Variants in DCT observed in about 807,000 individuals in gnomAD.
DCT encodes L-dopachrome tautomerase.
A neutral mutation model predicts 53.0 loss-of-function variants in DCT; 47 were observed. The observed-to-expected ratio is 0.89, with a 90% CI of 0.70 to 1.13. The LOEUF is 1.13. DCT is among the 50% of genes most tolerant of loss of function. The pLI is 0.00. For missense variants in DCT, 669 were observed against 637.4 expected (o/e 1.05, Z -0.53); for synonymous variants, 244 against 237.0 (o/e 1.03, Z -0.27).
chr13:94,548,365 T>G, the DCT span, among the ~76,000 whole-genome samples: 2 of 152,012 alleles, frequency 1.3e-5, no homozygotes, highest in Non-Finnish European at 2.9e-5. Flanking sequence ...TTCATAAATA[T>G]GAGTTTCCCT....
upstream of DCT, among the ~76,000 whole-genome samples, chr13:94,480,011 C>T (rs1885370972): frequency 6.6e-6 from 1 of 152,198 alleles, no homozygotes; most frequent in African/African-American, 2.4e-5. Flanking sequence ...GCACTCATGG[C>T]TGCTTTCTGA....
the DCT span, among the ~76,000 whole-genome samples, chr13:94,513,987 C>CAAAAAAA: frequency 1.2e-3 from 62 of 53,154 alleles, 2 homozygotes; most frequent in African/African-American, 3.9e-3. Flanking sequence ...AACTCTGTCT[C>CAAAAAAA]AAAAAAAAAA....
intron 7 of DCT, among the ~76,000 whole-genome samples, chr13:94,440,676 G>GTTTTTTTTTTTTTTTTTTTT (rs761688508): frequency 4.1e-5 from 4 of 98,038 alleles, no homozygotes; most frequent in Admixed American, 1.4e-4. Flanking sequence ...TCATTTTTTG[G>GTTTTTTTTTTTTTTTTTTTT]TTTTTTTTTT....
At chr13:94,476,780 T>C (rs760704989) in intron 1 of DCT, among the ~76,000 whole-genome samples, 10 of 152,088 alleles carry the variant, frequency 6.6e-5, no homozygotes, top group Non-Finnish European at 1.2e-4. Context: ...TTTTCATTGA[T>C]TGACATAGAA....
chr13:94,444,391 A>G (rs751612189), intron 6 of DCT: 1 of 517,880 alleles, frequency 1.9e-6, no homozygotes, highest in Non-Finnish European at 3.9e-6. Flanking sequence ...TACTCATTTC[A>G]TAAACTCTCA....
At chr13:94,458,090 C>T (rs1883528756) in intron 6 of DCT, among the ~76,000 whole-genome samples, 2 of 152,262 alleles carry the variant, frequency 1.3e-5, no homozygotes, top group Non-Finnish European at 2.9e-5. Context: ...GCGTGACACC[C>T]CCTTTCCCGG....
chr13:94,511,825 A>AGT, the DCT span, among the ~76,000 whole-genome samples: 11,163 of 143,550 alleles, frequency 0.078, 454 homozygotes, highest in Non-Finnish European at 0.11. Context: ...CAGCATTGTC[A>AGT]GTGTGTGTGT....
At chr13:94,472,543 TATATATATATATA>T (rs1884753172) in intron 1 of DCT, among the ~76,000 whole-genome samples, 2 of 34,694 alleles carry the variant, frequency 5.8e-5, no homozygotes, top group Non-Finnish European at 5.0e-5. Flanking sequence ...TATATATATA[TATATATATATATA>T]TATATATATA....
intron 6 of DCT, among the ~76,000 whole-genome samples, chr13:94,448,722 G>C (rs1882888146): frequency 6.6e-6 from 1 of 152,022 alleles, no homozygotes; most frequent in East Asian, 1.9e-4. Flanking sequence ...AGCCAATATG[G>C]TGAAACCCCA....
upstream of DCT, among the ~76,000 whole-genome samples, chr13:94,481,260 C>T (rs1048832212): frequency 6.6e-6 from 1 of 152,168 alleles, no homozygotes; most frequent in African/African-American, 2.4e-5. Context: ...ACTCTTTTTT[C>T]CAGACAAAGT....
chr13:94,501,052 G>A, the DCT span, among the ~76,000 whole-genome samples: 2 of 151,948 alleles, frequency 1.3e-5, no homozygotes, highest in African/African-American at 4.8e-5. Flanking sequence ...AGATCACGAG[G>A]TCAGCAGATA....
rs116295818 is a variant in DCT at position 94,458,001 on chromosome 13, G to A, written c.1179+2090C>T. On this transcript the variant is annotated intron_variant, in intron 6 of 7. Transcript: ENST00000377028. Reference sequence around the variant, plus strand: ...GACAAGGCCACTCTGTGACCATGACGGATCAGGACAAAAACAAGAAAACCC... The same window carrying A: ...GACAAGGCCACTCTGTGACCATGACAGATCAGGACAAAAACAAGAAAACCC... Among the ~76,000 whole-genome samples, 693 of 152,240 alleles carry A rather than the reference G, an allele frequency of 4.6e-3. 4 individuals carry two copies. The highest frequency in any genetic ancestry group is 0.016 in the African/African-American group (668 of 41,540).
chr13:94,512,082 G>A, the DCT span, among the ~76,000 whole-genome samples: 1 of 152,094 alleles, frequency 6.6e-6, no homozygotes, highest in East Asian at 1.9e-4. Context: ...GCTTTTAAAG[G>A]AAGTAGCCAT....
At chr13:94,547,984 A>AATATATATATAT in the DCT span, among the ~76,000 whole-genome samples, 46 of 65,816 alleles carry the variant, frequency 7.0e-4, 2 homozygotes, top group African/African-American at 5.2e-3. Flanking sequence ...AAAAAAAAAA[A>AATATATATATAT]ATATATATAT....
At chr13:94,538,240 C>G in the DCT span, among the ~76,000 whole-genome samples, 1 of 152,168 alleles carries the variant, frequency 6.6e-6, no homozygotes, top group Non-Finnish European at 1.5e-5. Context: ...TGACTACATG[C>G]CAAGCACTCT....
chr13:94,464,115 A>C (rs1883999607), intron 4 of DCT, among the ~76,000 whole-genome samples: 1 of 152,244 alleles, frequency 6.6e-6, no homozygotes, highest in South Asian at 2.1e-4. Context: ...CAGTCACAGA[A>C]AAAGCACTGA....
intron 1 of DCT, among the ~76,000 whole-genome samples, chr13:94,474,352 C>A (rs1026296711): frequency 6.6e-6 from 1 of 152,186 alleles, no homozygotes; most frequent in East Asian, 1.9e-4. Context: ...AGCTTAAAGA[C>A]CACCGATTAG....
At chr13:94,458,266 C>G (rs1315570877) in intron 6 of DCT, among the ~76,000 whole-genome samples, 1 of 152,080 alleles carries the variant, frequency 6.6e-6, no homozygotes, top group Non-Finnish European at 1.5e-5. Context: ...TCCAAAAGTC[C>G]TCCCCAAATC....
Position 94,475,251 on chromosome 13 carries a change from A to C in DCT, c.295+3710T>G, listed in dbSNP as rs188600778. ...TTCCCAGCTCAGTCACTAAGGACTTAGTCTCGTGCCCTGAGATTCAAAGAA... is the reference window on the plus strand; with the variant it reads ...TTCCCAGCTCAGTCACTAAGGACTTCGTCTCGTGCCCTGAGATTCAAAGAA... On this transcript the variant is annotated intron_variant, in intron 1 of 7. Coordinates refer to ENST00000377028, the MANE Select transcript of DCT (RefSeq NM_001922.5). 1.4e-4 allele frequency among the ~76,000 whole-genome samples: 22 copies of C among 152,356 alleles called. No individual in the cohort carries two copies. The East Asian group carries it at 4.2e-3, about 29-fold the overall frequency.
Sources: allele counts gnomAD v4.1 joint callset (sites outside exome capture counted in the v4.1 genomes callset), GRCh38; gene constraint gnomAD v4.1.1; transcripts MANE v1.5; gene names NCBI Gene and HGNC (gene_info 2026-07-23, HGNC 2026-07-21).